The following CTCF variants were observed in gnomAD, a reference collection of about 807,000 sequenced individuals.
The protein encoded by CTCF is CCCTC-binding factor.
A neutral mutation model predicts 72.3 loss-of-function variants in CTCF; 7 were observed. The ratio of observed to expected loss-of-function variants is 0.10; its 90% CI spans 0.06 to 0.18. The LOEUF is 0.18. CTCF is among the 10% of genes least tolerant of loss of function. The pLI is 1.00. For synonymous variants in CTCF, 374 were observed against 315.8 expected, an observed-to-expected ratio of 1.18 and a Z score of -1.95; for missense variants, 516 against 949.1, an observed-to-expected ratio of 0.54 and a Z score of 6.00.
In CTCF at chr16:67,636,829, C is replaced by G. The variant is rs2052437841; in HGVS notation, c.1977C>G (p.Thr659=). 2 of 1,596,690 alleles carry G rather than the reference C, an allele frequency of 1.3e-6. No homozygotes were observed. Among genetic ancestry groups the G allele is most frequent in the African/African-American group, 1.3e-5 (1 of 74,298 alleles). The part of the protein sequence containing the change: ...KKRRGRPPGR[T]NQPKQNQPTA... ...GGAGAGGACGACCCCCTGGCAGAAC[C>G]AACCAGCCCAAACAGAACCAGCGTA... Residue 659 remains threonine (T), a synonymous_variant, in exon 11 of 12, where the codon ACC becomes ACG. Coordinates refer to ENST00000264010, the MANE Select transcript of CTCF (RefSeq NM_006565.4).
intron 2 of CTCF, among the ~76,000 whole-genome samples, chr16:67,597,779 C>G (rs576964932): frequency 1.3e-5 from 2 of 152,256 alleles, no homozygotes; most frequent in East Asian, 3.9e-4. Context: ...AAAATGACAG[C>G]TTTTTATTTG....
intron 2 of CTCF, among the ~76,000 whole-genome samples, chr16:67,600,690 T>C (rs1165582458): frequency 2.0e-5 from 3 of 152,118 alleles, no homozygotes; most frequent in Non-Finnish European, 2.9e-5. Flanking sequence ...GACAGATTTT[T>C]TGAGATAGAG....
rs910921113 is a variant in CTCF at position 67,605,524 on chromosome 16, A to G, written c.-9-5300A>G. Reference sequence around the variant, plus strand: ...AATGGAAGAATAAACCAAACTGGCAATCCAACAACCTCGGGAGTTTACCTT... The same window carrying G: ...AATGGAAGAATAAACCAAACTGGCAGTCCAACAACCTCGGGAGTTTACCTT... On this transcript the variant is annotated intron_variant, in intron 2 of 11. Transcript: ENST00000264010. 7.2e-4 allele frequency among the ~76,000 whole-genome samples: 110 copies of G among 152,208 alleles called. 1 individual carries two copies. Among genetic ancestry groups the G allele is most frequent in the African/African-American group, 2.6e-3 (108 of 41,454 alleles).
In CTCF at chr16:67,616,730, C is replaced by G; in HGVS notation, c.953-15C>G. 1 of 1,613,956 alleles carries G rather than the reference C, an allele frequency of 6.2e-7. No individual in the cohort carries two copies. Among genetic ancestry groups the G allele is most frequent in the Non-Finnish European group, 8.5e-7 (1 of 1,179,846 alleles). On this transcript the variant is annotated splice_polypyrimidine_tract_variant and intron_variant, in intron 4 of 11. Transcript: ENST00000264010. Reference sequence around the variant, plus strand: ...CCTTGATCTTGCTCTTCCTGTTACTCCATCCTTTCTCTAGGTACTCGTCCT... The same window carrying G: ...CCTTGATCTTGCTCTTCCTGTTACTGCATCCTTTCTCTAGGTACTCGTCCT...
At chr16:67,619,145 T>TA (rs1436041311) in intron 5 of CTCF, among the ~76,000 whole-genome samples, 1 of 152,170 alleles carries the variant, frequency 6.6e-6, no homozygotes, top group Non-Finnish European at 1.5e-5. Context: ...GTGTAACACT[T>TA]ATGAGTGGGG....
rs1003226328 is a variant in CTCF, at chr16:67,629,589, CA to C, written c.1837+57del. On this transcript the variant is annotated intron_variant, in intron 10 of 11. Coordinates refer to ENST00000264010, the MANE Select transcript of CTCF (RefSeq NM_006565.4). ...ATGGCAGGCTTTGGAGCCCAGTTTC[CA>C]GTGTGTTTATGTATGGATATGCTGG... The C allele has an allele frequency of 8.8e-6, 14 of 1,593,300 alleles. No homozygotes were observed. The African/African-American group carries it at 1.9e-4, about 22-fold the overall frequency.
Position 67,611,496 on chromosome 16 carries a change from G to C in CTCF, c.664G>C (p.Asp222His), listed in dbSNP as rs1386847711. Reference protein sequence around the residue: ...LRYTEEGKDVDVSVYDFEEEQ... With the variant: ...LRYTEEGKDVHVSVYDFEEEQ... ...TTATACAGAGGAGGGCAAAGATGTA[G>C]ATGTGTCTGTCTACGATTTTGAGGA... Residue 222 changes from aspartate (D) to histidine (H), a missense_variant, in exon 3 of 12, where the codon GAT becomes CAT. Transcript: ENST00000264010. 6.2e-7 allele frequency: 1 copy of C among 1,614,108 alleles called. No homozygotes were observed. The highest frequency in any genetic ancestry group is 1.3e-5 in the African/African-American group (1 of 74,952).
intron 1 of CTCF, among the ~76,000 whole-genome samples, chr16:67,566,252 C>A: frequency 6.6e-6 from 1 of 151,882 alleles, no homozygotes; most frequent in East Asian, 1.9e-4. Flanking sequence ...ACCTGTAATC[C>A]CAGCACTTTG....
intron 10 of CTCF, among the ~76,000 whole-genome samples, chr16:67,631,303 T>TAC (rs2052362888): frequency 6.6e-6 from 1 of 152,042 alleles, no homozygotes; most frequent in African/African-American, 2.4e-5. Flanking sequence ...TAGCTGGGAT[T>TAC]ACAGGCATGC....
intron 2 of CTCF, among the ~76,000 whole-genome samples, chr16:67,604,730 G>GTTTTTTTTTTTTTTTTTTTTT (rs533827293): frequency 8.1e-5 from 10 of 123,736 alleles, no homozygotes; most frequent in South Asian, 2.5e-4. Context: ...TTTCACCAGG[G>GTTTTTTTTTTTTTTTTTTTTT]TTTTTTTTTT....
chr16:67,623,148 G>A (rs1202870383), intron 7 of CTCF, among the ~76,000 whole-genome samples: 1 of 151,158 alleles, frequency 6.6e-6, no homozygotes, highest in African/African-American at 2.4e-5. Flanking sequence ...TAGAGACAGG[G>A]TTTCACCATG....
chr16:67,626,677 C>A lies in CTCF; in HGVS notation c.1480C>A (p.Arg494Ser). The A allele has an allele frequency of 6.4e-7, 1 of 1,553,164 alleles. No individual in the cohort carries two copies. ...QHQKSHKNEK[R>S]FKCDQCDYAC... ...TCAGAAGTCACACAAGAATGAGAAG[C>A]GCTTTAAGTGTGACCAGTGTGATTA... Residue 494 changes from arginine to serine, a missense_variant, in exon 8 of 12, where the codon CGC (arginine) becomes AGC (serine). Physicochemically the swap from Arg to Ser is moderately radical, Grantham distance 110. Coordinates refer to ENST00000264010, the MANE Select transcript of CTCF (RefSeq NM_006565.4).
intron 2 of CTCF, among the ~76,000 whole-genome samples, chr16:67,608,943 G>T (rs1334713519): frequency 1.3e-5 from 2 of 152,074 alleles, no homozygotes; most frequent in East Asian, 3.9e-4. Flanking sequence ...GTTTCTCCAT[G>T]TTGTTCAGGG....
chr16:67,576,253 A>C (rs2051494878), intron 2 of CTCF, among the ~76,000 whole-genome samples: 1 of 152,032 alleles, frequency 6.6e-6, no homozygotes, highest in African/African-American at 2.4e-5. Context: ...AAAAGTAAAG[A>C]AAATCCCAAA....
At chr16:67,587,286 A>C (rs1278038103) in intron 2 of CTCF, among the ~76,000 whole-genome samples, 1 of 151,980 alleles carries the variant, frequency 6.6e-6, no homozygotes, top group Non-Finnish European at 1.5e-5. Flanking sequence ...TTGTTGTCGA[A>C]GACATTATAT....
At chr16:67,584,403 C>T (rs1489734662) in intron 2 of CTCF, among the ~76,000 whole-genome samples, 1 of 143,196 alleles carries the variant, frequency 7.0e-6, no homozygotes, top group African/African-American at 2.7e-5. Context: ...TGCAGTGGCA[C>T]GATCTCGGCT....
intron 10 of CTCF, 121 bp downstream of exon 10, chr16:67,629,654 T>C: frequency 1.1e-6 from 1 of 907,250 alleles, no homozygotes; most frequent in Non-Finnish European, 1.6e-6. Context: ...TTCTTTAAAC[T>C]TCTCATCTCC....
intron 7 of CTCF, 62 bp downstream of exon 7, chr16:67,621,653 T>A: frequency 7.8e-7 from 1 of 1,276,346 alleles, no homozygotes. Flanking sequence ...TTTCGAAATA[T>A]GGGGATCAAA....
At chr16:67,598,737 A>G (rs2051847031) in intron 2 of CTCF, among the ~76,000 whole-genome samples, 1 of 152,270 alleles carries the variant, frequency 6.6e-6, no homozygotes, top group Non-Finnish European at 1.5e-5. Flanking sequence ...TGTAGGGGAT[A>G]AGGCCGTGTG....
Sources: gnomAD v4.1 joint callset for allele counts (sites outside exome capture counted in the v4.1 genomes callset) on GRCh38, gnomAD v4.1.1 for gene constraint, MANE v1.5 for transcripts, NCBI Gene and HGNC (gene_info 2026-07-23, HGNC 2026-07-21) for gene names.